PPP4R3A: variants seen among roughly 807,000 people sequenced by gnomAD.
The protein encoded by PPP4R3A is protein phosphatase 4 regulatory subunit 3A, also known as serine/threonine-protein phosphatase 4 regulatory subunit 3A.
Under a neutral mutation model 91.7 loss-of-function variants are expected in PPP4R3A, and 15 were observed. The ratio of observed to expected loss-of-function variants is 0.16; its 90% CI spans 0.11 to 0.25. PPP4R3A has a LOEUF of 0.25. Ranked by LOEUF, PPP4R3A falls within the 10% of genes least tolerant of loss-of-function variation. The pLI is 1.00. For missense variants in PPP4R3A, 623 were observed against 998.4 expected, an observed-to-expected ratio of 0.62 and a Z score of 5.07; for synonymous variants, 377 against 348.7, an observed-to-expected ratio of 1.08 and a Z score of -0.91.
At chr14:91,488,159 A>G (rs1890014547) in intron 2 of PPP4R3A, among the ~76,000 whole-genome samples, 1 of 151,936 alleles carries the variant, frequency 6.6e-6, no homozygotes, top group Non-Finnish European at 1.5e-5. Flanking sequence ...TGTGAATAAT[A>G]GCCACTGTAC....
chr14:91,507,435 T>TTATATATACTATAG (rs1891420714), intron 1 of PPP4R3A, among the ~76,000 whole-genome samples: 1 of 124,764 alleles, frequency 8.0e-6, no homozygotes, highest in African/African-American at 3.8e-5. Context: ...TATACTATAA[T>TTATATATACTATAG]TATATATACT....
In PPP4R3A at chr14:91,462,819, T is replaced by C; in HGVS notation, c.1889A>G (p.Asp630Gly). 7 of 1,610,684 alleles carry C rather than the reference T, an allele frequency of 4.3e-6. No individual in the cohort carries two copies. Among genetic ancestry groups the C allele is most frequent in the Non-Finnish European group, 5.9e-6 (7 of 1,177,110 alleles). ...TTTAAATGTCTGTACATAATCTACATCTTCCAGTGCTTTCCAGTAATTTTC... is the reference window on the plus strand; with the variant it reads ...TTTAAATGTCTGTACATAATCTACACCTTCCAGTGCTTTCCAGTAATTTTC... ...VIENYWKALE[D>G]VDYVQTFKGL... Residue 630 changes from aspartate (D) to glycine (G), a missense_variant, in exon 12 of 15, where the codon GAT (aspartate) becomes GGT (glycine). This residue lies in a region of PPP4R3A where 87 missense variants were observed against 233.9 expected (regional missense o/e 0.37). Transcript: ENST00000554943.
intron 1 of PPP4R3A, 77 bp from the exon 2 acceptor site, chr14:91,490,879 T>A: frequency 1.5e-6 from 1 of 660,740 alleles, no homozygotes; most frequent in Non-Finnish European, 2.3e-6. Flanking sequence ...CACACATATT[T>A]CCTTAAAAAA....
At chr14:91,487,712 TG>T (rs1333480456) in intron 2 of PPP4R3A, among the ~76,000 whole-genome samples, 3 of 111,434 alleles carry the variant, frequency 2.7e-5, no homozygotes, top group Non-Finnish European at 5.6e-5. Context: ...AGGACACTTC[TG>T]TTTTTTTTTG....
chr14:91,468,680 A>AAAAAAAAAAAAAAAAAAAGGAAAAAAG (rs1888636691), intron 10 of PPP4R3A, among the ~76,000 whole-genome samples: 2 of 148,220 alleles, frequency 1.3e-5, no homozygotes, highest in African/African-American at 5.0e-5. Context: ...AAAAAAAAAA[A>AAAAAAAAAAAAAAAAAAAGGAAAAAAG]AAAAAAAAAG....
chr14:91,509,919 A>T lies in PPP4R3A; in HGVS notation c.-272T>A. 9.5e-7 allele frequency: 1 copy of T among 1,049,466 alleles called. No homozygotes were observed. The highest frequency in any genetic ancestry group is 4.4e-5 in the South Asian group (1 of 22,806). 65.0% of individuals were successfully genotyped at this position (1,049,466 alleles called of 1,614,324 possible). On this transcript the variant is annotated 5_prime_UTR_variant, in exon 1 of 15. Transcript: ENST00000554943. ...CCCGGCAGCCCCGAGGGGGCCGCGC[A>T]GCGCTTCGTAGCCTCCCGCCCCGCA...
intron 3 of PPP4R3A, 78 bp from the exon 4 acceptor site, chr14:91,482,271 C>G: frequency 7.0e-7 from 1 of 1,423,340 alleles, no homozygotes; most frequent in Non-Finnish European, 9.3e-7. Flanking sequence ...AAGATGAATA[C>G]TAGAAATGTT....
rs1888949384 is a variant in PPP4R3A, at chr14:91,473,024, T to C, written c.1501+9A>G. 1 of 1,610,992 alleles carries C rather than the reference T, an allele frequency of 6.2e-7. No homozygotes were observed. The highest frequency in any genetic ancestry group is 1.3e-5 in the African/African-American group (1 of 74,724). On this transcript the variant is annotated intron_variant, in intron 9 of 14. Coordinates refer to ENST00000554943, the MANE Select transcript of PPP4R3A (RefSeq NM_001366432.2). ...CAGAGAACTTAACTACCAACCTGAA[T>C]TATCTTACCTTTACTAGGTTTGTCT...
rs762935380 is a variant in PPP4R3A at position 91,473,295 on chromosome 14, G to A, written c.1342C>T (p.Leu448Phe). 1.2e-6 allele frequency: 2 copies of A among 1,614,020 alleles called. No individual in the cohort carries two copies. The highest frequency in any genetic ancestry group is 4.5e-5 in the East Asian group (2 of 44,888). The change falls in exon 8 of 15, where the codon CTT (leucine) becomes TTT (phenylalanine). Residue 448 changes from leucine (L) to phenylalanine (F), a missense_variant. Physicochemically the swap from Leu to Phe is conservative, Grantham distance 22. Around this residue, in one of 5 missense-constraint regions of PPP4R3A, gnomAD observed 87 missense variants for 233.9 expected, o/e 0.37. Coordinates refer to ENST00000554943, the MANE Select transcript of PPP4R3A (RefSeq NM_001366432.2). ...ACTAAAGTTCGAAGCAGGCCCATAA[G>A]CTGGACTGCTCCTCCAAGTTCAGGA... Reference protein sequence around the residue: ...TDPELGGAVQLMGLLRTLVDP... With the variant: ...TDPELGGAVQFMGLLRTLVDP...
At position 91,509,871 on chromosome 14, in the gene PPP4R3A, G is replaced by A; in HGVS notation, c.-224C>T. On this transcript the variant is annotated 5_prime_UTR_variant, in exon 1 of 15. Transcript: ENST00000554943. Reference sequence around the variant, plus strand: ...TCGCCTCCGGCTCCCCGGCGCTATTGTCCAGGCCTGGCGAGCCCGGCGCCC... The same window carrying A: ...TCGCCTCCGGCTCCCCGGCGCTATTATCCAGGCCTGGCGAGCCCGGCGCCC... 2 of 1,120,024 alleles carry A rather than the reference G, an allele frequency of 1.8e-6. No homozygotes were observed. Among genetic ancestry groups the A allele is most frequent in the Non-Finnish European group, 2.2e-6 (2 of 918,652 alleles). The allele number at this position is 1,120,024 out of a possible 1,614,324, so 69.4% of individuals were successfully genotyped here. A position where few individuals can be genotyped will look rare whatever the true frequency, so the allele number is the denominator to read the frequency against.
At chr14:91,480,364 T>C (rs527727968) in intron 4 of PPP4R3A, among the ~76,000 whole-genome samples, 2 of 152,276 alleles carry the variant, frequency 1.3e-5, no homozygotes, top group African/African-American at 4.8e-5. Context: ...GCTACTGTTA[T>C]TAAGTGACAG....
At chr14:91,483,913 C>T (rs537638631) in intron 3 of PPP4R3A, among the ~76,000 whole-genome samples, 7 of 152,222 alleles carry the variant, frequency 4.6e-5, no homozygotes, top group Admixed American at 3.3e-4. Context: ...ATGACAATGA[C>T]AAAGTGAGTT....
Position 91,509,663 on chromosome 14 carries a change from C to G in PPP4R3A, c.-16G>C, listed in dbSNP as rs377469578. 4.2e-5 allele frequency: 67 copies of G among 1,587,056 alleles called. No homozygotes were observed. The highest frequency in any genetic ancestry group is 5.2e-5 in the Non-Finnish European group (61 of 1,173,470). On this transcript the variant is annotated 5_prime_UTR_variant, in exon 1 of 15. Transcript: ENST00000554943. ...TGTCGGTCATCGTGCCGCCCGGGAA[C>G]CGGGGCGGGGGCCCCGCCAGTAGAC... is the stretch of plus-strand genomic sequence containing the variant.
chr14:91,505,431 CAG>C (rs780314870), intron 1 of PPP4R3A, among the ~76,000 whole-genome samples: 74 of 139,204 alleles, frequency 5.3e-4, no homozygotes, highest in Non-Finnish European at 5.0e-4. Context: ...GCCAGGATGA[CAG>C]AGATTCTGCC....
intron 7 of PPP4R3A, among the ~76,000 whole-genome samples, 154 bp from the exon 8 acceptor site, chr14:91,473,524 G>C (rs1004928669): frequency 2.0e-4 from 30 of 152,212 alleles, no homozygotes; most frequent in African/African-American, 7.2e-4. Flanking sequence ...CAGGACATAT[G>C]ACAGTGTTTC....
chr14:91,467,545 T>TA (rs1294535461), intron 10 of PPP4R3A, among the ~76,000 whole-genome samples: 1 of 151,968 alleles, frequency 6.6e-6, no homozygotes, highest in Non-Finnish European at 1.5e-5. Context: ...AATGCCTCTA[T>TA]AATAAAGCTT....
In PPP4R3A at chr14:91,462,890, A is replaced by G; in HGVS notation, c.1831-13T>C. 1.3e-6 allele frequency: 2 copies of G among 1,572,034 alleles called. No individual in the cohort carries two copies. The highest frequency in any genetic ancestry group is 1.7e-6 in the Non-Finnish European group (2 of 1,151,716). ...ATTTTATATCTTCCTACAGAAAAGAATAGTAATGAAAAAATGATAGGAAAA... is the reference window on the plus strand; with the variant it reads ...ATTTTATATCTTCCTACAGAAAAGAGTAGTAATGAAAAAATGATAGGAAAA... On this transcript the variant is annotated splice_polypyrimidine_tract_variant and intron_variant, in intron 11 of 14. Coordinates refer to ENST00000554943, the MANE Select transcript of PPP4R3A (RefSeq NM_001366432.2).
At chr14:91,502,256 C>G (rs920329949) in intron 1 of PPP4R3A, among the ~76,000 whole-genome samples, 6 of 152,040 alleles carry the variant, frequency 3.9e-5, no homozygotes, top group African/African-American at 1.4e-4. Flanking sequence ...CCCACCTCCC[C>G]TGAAAAAATT....
At position 91,461,422 on chromosome 14, in the gene PPP4R3A, C is replaced by G. The variant is rs139686419; in HGVS notation, c.2350G>C (p.Val784Leu). 6.2e-7 allele frequency: 1 copy of G among 1,613,400 alleles called. No homozygotes were observed. The highest frequency in any genetic ancestry group is 8.5e-7 in the Non-Finnish European group (1 of 1,179,548). Residue 784 changes from valine to leucine, a missense_variant, in exon 14 of 15, where the codon GTA (valine) becomes CTA (leucine). Coordinates refer to ENST00000554943, the MANE Select transcript of PPP4R3A (RefSeq NM_001366432.2). ...SPGSPGSPGS[V>L]PKNTSQTAAI... The stretch of plus-strand genomic sequence containing the variant: ...GCCGTCTGAGATGTATTTTTAGGTA[C>G]GGATCCAGGAGAGCCTGGAGATCCT...
Sources: allele counts gnomAD v4.1 joint callset (sites outside exome capture counted in the v4.1 genomes callset), GRCh38; gene constraint gnomAD v4.1.1; regional missense constraint gnomAD v4.1.1; transcripts MANE v1.5; gene names NCBI Gene and HGNC (gene_info 2026-07-23, HGNC 2026-07-21).